Variants in MIB1 observed in about 807,000 individuals in gnomAD.
MIB1 encodes MIB E3 ubiquitin protein ligase 1, also known as E3 ubiquitin-protein ligase MIB1.
MIB1 carries 278 observed loss-of-function variants against 124.5 expected under a neutral mutation model. The ratio of observed to expected loss-of-function variants is 2.23; its 90% CI spans 2.02 to 2.47. The LOEUF is 2.47. Ranked by LOEUF, MIB1 falls within the 30% of genes most tolerant of loss-of-function variation. The probability of loss-of-function intolerance (pLI) is 0.00; values close to 1 mark genes in which losing one functional copy is unlikely to be tolerated. For synonymous variants in MIB1, 446 were observed against 429.4 expected (o/e 1.04, Z -0.48); for missense variants, 957 against 1,254.4 (o/e 0.76, Z 3.58).
In MIB1 at chr18:21,791,559, T is replaced by C; in HGVS notation, c.1092+2T>C. On this transcript the variant is annotated splice_donor_variant, in intron 7 of 20. Coordinates refer to ENST00000261537, the MANE Select transcript of MIB1 (RefSeq NM_020774.4). LOFTEE classifies it high-confidence loss of function. ...GAATGGGCTGAAGCGATGCTTCCAG[T>C]AAGTATGTTTAGAATAATTCTGGGC... 1.2e-6 allele frequency: 2 copies of C among 1,605,994 alleles called. No homozygotes were observed. The highest frequency in any genetic ancestry group is 1.3e-5 in the African/African-American group (1 of 74,866).
chr18:21,829,880 T>G (rs1211558540), intron 12 of MIB1, among the ~76,000 whole-genome samples: 1 of 152,146 alleles, frequency 6.6e-6, no homozygotes, highest in Non-Finnish European at 1.5e-5. Flanking sequence ...TTTTAGAAAG[T>G]ATCACTTCAA....
chr18:21,718,984 T>G (rs2040702152), intron 1 of MIB1, among the ~76,000 whole-genome samples: 1 of 151,040 alleles, frequency 6.6e-6, no homozygotes, highest in Non-Finnish European at 1.5e-5. Flanking sequence ...AGGTCGGGAG[T>G]TTGAGACCAG....
At chr18:21,842,085 C>G (rs1290718837) in intron 13 of MIB1, among the ~76,000 whole-genome samples, 3 of 79,082 alleles carry the variant, frequency 3.8e-5, no homozygotes, top group African/African-American at 1.5e-4. Flanking sequence ...GAGTGAGACC[C>G]TATCTCAAAA....
intron 1 of MIB1, among the ~76,000 whole-genome samples, chr18:21,753,538 T>C (rs2040998859): frequency 6.6e-6 from 1 of 152,150 alleles, no homozygotes; most frequent in Admixed American, 6.5e-5. Flanking sequence ...ATTTCATTTT[T>C]GAAAATTTCA....
intron 5 of MIB1, among the ~76,000 whole-genome samples, chr18:21,778,923 C>A (rs1448210460): frequency 6.6e-6 from 1 of 151,964 alleles, no homozygotes; most frequent in Non-Finnish European, 1.5e-5. Context: ...AATCAACATG[C>A]ATATTTTGGA....
At chr18:21,764,390 G>T (rs1438018947) in intron 1 of MIB1, among the ~76,000 whole-genome samples, 1 of 151,898 alleles carries the variant, frequency 6.6e-6, no homozygotes, top group Non-Finnish European at 1.5e-5. Context: ...AATAACATAG[G>T]GTTTGTTTTT....
intron 1 of MIB1, among the ~76,000 whole-genome samples, chr18:21,758,740 G>A (rs757999397): frequency 3.3e-5 from 5 of 152,042 alleles, no homozygotes; most frequent in Non-Finnish European, 1.5e-5. Context: ...TCACTATGTT[G>A]GCCAGACTGG....
chr18:21,815,521 C>A (rs958876605), intron 10 of MIB1, 95 bp from the exon 11 acceptor site: 2 of 1,129,182 alleles, frequency 1.8e-6, no homozygotes, highest in Non-Finnish European at 2.5e-6. Context: ...ATTGCCTTTT[C>A]TCAAATTAAT....
intron 10 of MIB1, among the ~76,000 whole-genome samples, chr18:21,805,417 A>G (rs2041692905): frequency 1.3e-5 from 2 of 152,172 alleles, no homozygotes; most frequent in South Asian, 2.1e-4. Context: ...TTACTTTTGC[A>G]CTAGTAATTT....
chr18:21,791,239 A>G (rs935155068), intron 6 of MIB1, 135 bp from the exon 7 acceptor site: 8 of 610,872 alleles, frequency 1.3e-5, no homozygotes, highest in African/African-American at 1.1e-4. Flanking sequence ...GTATTTGTGT[A>G]TATATAAATA....
At chr18:21,761,530 A>G (rs2041097733) in intron 1 of MIB1, among the ~76,000 whole-genome samples, 1 of 152,196 alleles carries the variant, frequency 6.6e-6, no homozygotes, top group Admixed American at 6.5e-5. Context: ...AAAGATGGCC[A>G]CACCAGTCTA....
At chr18:21,779,334 A>T in intron 5 of MIB1, 147 bp from the exon 6 acceptor site, 1 of 645,938 alleles carries the variant, frequency 1.5e-6, no homozygotes, top group Non-Finnish European at 2.7e-6. Context: ...TAGTTCTAAA[A>T]TTTTATACTT....
At chr18:21,836,122 C>T (rs1390822027) in intron 12 of MIB1, among the ~76,000 whole-genome samples, 1 of 150,634 alleles carries the variant, frequency 6.6e-6, no homozygotes, top group Non-Finnish European at 1.5e-5. Flanking sequence ...GGCTTGGTGG[C>T]ATGTACCCAT....
chr18:21,724,721 AAAAAAAATATATATATATAT>A lies in MIB1; in HGVS notation n.167+19600_167+19619del, dbSNP rs1250012616. Among the ~76,000 whole-genome samples the A allele has an allele frequency of 2.4e-4, 14 of 58,116 alleles. 1 individual carries two copies. Among genetic ancestry groups the A allele is most frequent in the East Asian group, 1.5e-3 (3 of 2,058 alleles). 38.1% of individuals were successfully genotyped at this position (58,116 alleles called of 152,430 possible). ...CTCTGTCTCCCCCATCCAAAAAAAA[AAAAAAAATATATATATATAT>A]ATATATATATATATATATATATATA... On this transcript the variant is annotated intron_variant and non_coding_transcript_variant, in intron 1 of 20. Coordinates refer to the MIB1 transcript ENST00000578646.
intron 1 of MIB1, among the ~76,000 whole-genome samples, chr18:21,748,576 C>T (rs892094457): frequency 1.1e-4 from 17 of 151,572 alleles, no homozygotes; most frequent in African/African-American, 2.7e-4. Context: ...ACTACAGGTG[C>T]GCACCACCAT....
intron 6 of MIB1, among the ~76,000 whole-genome samples, chr18:21,789,107 A>G (rs1268835026): frequency 1.3e-5 from 2 of 152,216 alleles, no homozygotes; most frequent in Non-Finnish European, 2.9e-5. Flanking sequence ...ACAGTATCAG[A>G]GGCTAGAAGT....
intron 12 of MIB1, chr18:21,829,225 G>A (rs1398956618): frequency 3.0e-6 from 1 of 338,340 alleles, no homozygotes; most frequent in Non-Finnish European, 5.7e-6. Flanking sequence ...TTTGTAACAA[G>A]TTTACCTGAA....
chr18:21,786,255 C>T (rs1174736819), intron 6 of MIB1, among the ~76,000 whole-genome samples: 5 of 152,092 alleles, frequency 3.3e-5, no homozygotes, highest in African/African-American at 1.2e-4. Flanking sequence ...TGCCACGACA[C>T]CTGGCTAATT....
chr18:21,820,233 T>G (rs2041866627), intron 12 of MIB1, among the ~76,000 whole-genome samples: 1 of 152,212 alleles, frequency 6.6e-6, no homozygotes, highest in South Asian at 2.1e-4. Context: ...TAGCTTTGCT[T>G]AATTTAGAGA....
Sources: allele counts gnomAD v4.1 joint callset (sites outside exome capture counted in the v4.1 genomes callset), GRCh38; gene constraint gnomAD v4.1.1; transcripts MANE v1.5; gene names NCBI Gene and HGNC (gene_info 2026-07-23, HGNC 2026-07-21).